Variants in COL6A5 observed in about 807,000 individuals in gnomAD.
COL6A5 encodes collagen type VI alpha 5 chain.
COL6A5 carries 48 observed loss-of-function variants against 65.6 expected under a neutral mutation model. That is an observed-to-expected ratio of 0.73 (90% CI 0.58 to 0.93). COL6A5 has a LOEUF of 0.93. COL6A5 is among the 40% of genes least tolerant of loss of function. The pLI is 0.00. For missense variants in COL6A5, 914 were observed against 928.3 expected, an observed-to-expected ratio of 0.98 and a Z score of 0.20; for synonymous variants, 291 against 322.8, an observed-to-expected ratio of 0.90 and a Z score of 1.05.
At chr3:130,369,573 G>T (rs1935474480) in intron 1 of COL6A5, among the ~76,000 whole-genome samples, 2 of 152,104 alleles carry the variant, frequency 1.3e-5, no homozygotes, top group African/African-American at 4.8e-5. Context: ...TCATGCCATA[G>T]GTTATAAAAT....
chr3:130,376,792 A>T (rs758150812), exon 3 of COL6A5: 3 of 1,613,366 alleles, frequency 1.9e-6, no homozygotes, highest in African/African-American at 2.7e-5. Flanking sequence ...ATCATCAAGG[A>T]TGTAACCAAG....
At chr3:130,374,094 T>G (rs972062488) in intron 2 of COL6A5, among the ~76,000 whole-genome samples, 1 of 152,180 alleles carries the variant, frequency 6.6e-6, no homozygotes, top group Non-Finnish European at 1.5e-5. Context: ...CCTTTCCTTT[T>G]ACAAGCATGA....
At chr3:130,370,352 G>A (rs1231708272) in intron 1 of COL6A5, among the ~76,000 whole-genome samples, 1 of 152,144 alleles carries the variant, frequency 6.6e-6, no homozygotes, top group African/African-American at 2.4e-5. Context: ...AAAGAGACAG[G>A]TTGAGCCATC....
Position 130,455,446 on chromosome 3 carries a change from T to G in COL6A5, c.1333-9T>G. On this transcript the variant is annotated splice_polypyrimidine_tract_variant and intron_variant, in intron 4 of 7. Transcript: ENST00000512836. ...ATCTAGACTCACCTAAAGTTTTTTT[T>G]TCTTCTAGATTTGTTACTGAGCTAC... The G allele has an allele frequency of 6.3e-7, 1 of 1,587,198 alleles. No homozygotes were observed. The highest frequency in any genetic ancestry group is 8.6e-7 in the Non-Finnish European group (1 of 1,160,750).
Position 130,468,704 on chromosome 3 carries a change from A to T in COL6A5, c.1545-91A>T, listed in dbSNP as rs1026369069. ...ATGAGTATGGAAATGCAGCATGGTA[A>T]TAACCTCATGCTGTGTATTTGCCAT... On this transcript the variant is annotated intron_variant, in intron 5 of 7. Coordinates refer to ENST00000512836, the Ensembl canonical transcript of COL6A5. 3 of 830,488 alleles carry T rather than the reference A, an allele frequency of 3.6e-6. No homozygotes were observed. The South Asian group carries it at 5.4e-5, about 15-fold the overall frequency. The allele number at this position is 830,488 out of a possible 1,614,324, so 51.4% of individuals were successfully genotyped here. A position where few individuals can be genotyped will look rare whatever the true frequency, so the allele number is the denominator to read the frequency against.
intron 1 of COL6A5, among the ~76,000 whole-genome samples, chr3:130,355,198 T>A (rs953367917): frequency 2.0e-5 from 3 of 152,092 alleles, no homozygotes; most frequent in African/African-American, 7.2e-5. Flanking sequence ...AGATACAAAC[T>A]GGGAGTGCAC....
At chr3:130,437,863 C>G (rs568521846) in intron 1 of COL6A5, among the ~76,000 whole-genome samples, 64 of 152,220 alleles carry the variant, frequency 4.2e-4, no homozygotes, top group African/African-American at 1.3e-3. Flanking sequence ...TTTCCCATCC[C>G]TATTATCCTG....
chr3:130,443,618 A>T, intron 4 of COL6A5, 52 bp downstream of exon 36: 4 of 1,154,922 alleles, frequency 3.5e-6, no homozygotes, highest in Non-Finnish European at 5.2e-6. Flanking sequence ...GGCTGATGGG[A>T]GTATAACTGG....
chr3:130,473,176 T>C (rs1463616512), intron 7 of COL6A5, among the ~76,000 whole-genome samples: 1 of 152,030 alleles, frequency 6.6e-6, no homozygotes, highest in Non-Finnish European at 1.5e-5. Flanking sequence ...TCTTTTCCAC[T>C]GATTACAACT....
rs71158190 is a variant in COL6A5, at chr3:130,362,271, T to TC, written c.-28-11340_-28-11339insC. Among the ~76,000 whole-genome samples the TC allele has an allele frequency of 3.1e-3, 433 of 139,292 alleles. 31 individuals carry two copies. The highest frequency in any genetic ancestry group is 0.027 in the South Asian group (113 of 4,124). 91.4% of individuals were successfully genotyped at this position (139,292 alleles called of 152,430 possible). On this transcript the variant is annotated intron_variant and NMD_transcript_variant, in intron 1 of 41. Transcript: ENST00000312481. ...GTTTCTTTCTCTCTCTCTCTCTCTC[T>TC]TTGTCTCTGTCTTTCTCCATATATA...
chr3:130,471,078 G>GTA (rs879133907), intron 7 of COL6A5, 111 bp downstream of exon 39: 5 of 633,040 alleles, frequency 7.9e-6, no homozygotes, highest in Admixed American at 7.7e-5. Flanking sequence ...GTGTTTTTGT[G>GTA]TGTGTGTGTG....
intron 5 of COL6A5, among the ~76,000 whole-genome samples, chr3:130,465,977 G>A (rs541530947): frequency 3.7e-4 from 56 of 151,938 alleles, no homozygotes; most frequent in African/African-American, 8.9e-4. Flanking sequence ...TGAAAACATA[G>A]CAATAGAAAT....
chr3:130,350,265 T>C (rs1934652894), intron 1 of COL6A5, among the ~76,000 whole-genome samples: 1 of 152,118 alleles, frequency 6.6e-6, no homozygotes, highest in African/African-American at 2.4e-5. Context: ...AAGGATACCC[T>C]CTCTCACCAC....
intron 1 of COL6A5, among the ~76,000 whole-genome samples, chr3:130,435,067 T>A (rs1937984615): frequency 6.6e-6 from 1 of 152,200 alleles, no homozygotes; most frequent in South Asian, 2.1e-4. Flanking sequence ...GTTTTTATGG[T>A]TTTGGGTTTT....
At chr3:130,362,306 ATATATATATATATATATATATTTTT>A (rs768678160) in intron 1 of COL6A5, among the ~76,000 whole-genome samples, 6,827 of 19,456 alleles carry the variant, frequency 0.35, 951 homozygotes, top group East Asian at 0.64. Flanking sequence ...ATATATATAT[ATATATATATATATATATATATTTTT>A]TTTTTTTTTT....
intron 1 of COL6A5, among the ~76,000 whole-genome samples, chr3:130,372,677 A>T (rs1935613698): frequency 6.6e-6 from 1 of 152,118 alleles, no homozygotes. Flanking sequence ...GAGTGGGGGA[A>T]TGGGGAATGA....
intron 2 of COL6A5, among the ~76,000 whole-genome samples, chr3:130,376,014 T>C (rs916369379): frequency 2.0e-5 from 3 of 152,072 alleles, no homozygotes; most frequent in Admixed American, 6.6e-5. Context: ...AGAAAAGAAG[T>C]TTATTGTCTC....
intron 1 of COL6A5, among the ~76,000 whole-genome samples, chr3:130,365,370 C>T (rs945615609): frequency 1.3e-5 from 2 of 152,172 alleles, no homozygotes; most frequent in African/African-American, 4.8e-5. Context: ...CTCCGCCTCC[C>T]GGGTTCACGC....
chr3:130,440,614 G>C (rs1709156537), exon 3 of COL6A5: 2 of 1,613,274 alleles, frequency 1.2e-6, no homozygotes, highest in South Asian at 2.2e-5. Flanking sequence ...AAAATTATGA[G>C]AGAAAAGAAT....
Sources: allele counts gnomAD v4.1 joint callset (sites outside exome capture counted in the v4.1 genomes callset), GRCh38; gene constraint gnomAD v4.1.1; transcripts MANE v1.5; gene names NCBI Gene and HGNC (gene_info 2026-07-23, HGNC 2026-07-21).